Variants in EPC2 observed in about 807,000 individuals in gnomAD.
EPC2 encodes enhancer of polycomb 2.
EPC2 carries 14 observed loss-of-function variants against 92.1 expected under a neutral mutation model. That is an observed-to-expected ratio of 0.15 (90% CI 0.10 to 0.24). EPC2 has a LOEUF of 0.24. Among genes scored for constraint, EPC2 ranks in the 10% least tolerant of loss-of-function variants. The pLI, the probability that EPC2 is intolerant of heterozygous loss-of-function variation, is 1.00. For missense variants in EPC2, 755 were observed against 971.5 expected (o/e 0.78, Z 2.96); for synonymous variants, 340 against 334.7 (o/e 1.02, Z -0.17).
At chr2:148,760,463 T>G (rs1683281231) in intron 4 of EPC2, among the ~76,000 whole-genome samples, 2 of 152,184 alleles carry the variant, frequency 1.3e-5, no homozygotes, top group South Asian at 4.1e-4. Flanking sequence ...CTGTCATCCT[T>G]ACTAGATTCT....
At chr2:148,783,090 T>C (rs1683787157) in intron 11 of EPC2, among the ~76,000 whole-genome samples, 1 of 152,204 alleles carries the variant, frequency 6.6e-6, no homozygotes, top group Admixed American at 6.5e-5. Flanking sequence ...ACTAGGGCTG[T>C]AGGACTTAGT....
intron 2 of EPC2, among the ~76,000 whole-genome samples, chr2:148,726,757 TG>T (rs1190839582): frequency 4.5e-4 from 58 of 129,970 alleles, no homozygotes; most frequent in Non-Finnish European, 2.1e-4. Flanking sequence ...TTTTTTGTTT[TG>T]TTTTTTGTTT....
intron 2 of EPC2, among the ~76,000 whole-genome samples, chr2:148,741,862 C>T (rs369085923): frequency 6.6e-6 from 1 of 152,124 alleles, no homozygotes. Context: ...TTTGTAGTCC[C>T]CTTAACCAGA....
In EPC2 at chr2:148,662,408, G is replaced by T. The variant is rs188137513; in HGVS notation, c.153+17238G>T. Among the ~76,000 whole-genome samples the T allele has an allele frequency of 6.3e-4, 96 of 152,260 alleles. 1 individual carries two copies. Among genetic ancestry groups the T allele is most frequent in the African/African-American group, 2.1e-3 (88 of 41,550 alleles). On this transcript the variant is annotated intron_variant, in intron 1 of 13. Transcript: ENST00000258484. ...CACTTTTCACAATAGCAAAGACTTG[G>T]AACCAACCCAAACGTCCAACAACGA...
chr2:148,762,560 T>G lies in EPC2; in HGVS notation c.816-110T>G, dbSNP rs140666859. The G allele has an allele frequency of 1.3e-4, 96 of 726,102 alleles. No individual in the cohort carries two copies. In the African/African-American group the frequency reaches 1.7e-3, roughly 13 times the overall value. 45.0% of individuals were successfully genotyped at this position (726,102 alleles called of 1,614,324 possible). A position where few individuals can be genotyped will look rare whatever the true frequency, so the allele number is the denominator to read the frequency against. On this transcript the variant is annotated intron_variant, in intron 5 of 13. Transcript: ENST00000258484. Reference sequence around the variant, plus strand: ...TTTTATCTTTTAAAAGTAATTTGATTGTTAGCCCTTTTTGACTAGGTGACT... The same window carrying G: ...TTTTATCTTTTAAAAGTAATTTGATGGTTAGCCCTTTTTGACTAGGTGACT...
chr2:148,651,936 C>T (rs535431040), intron 1 of EPC2, among the ~76,000 whole-genome samples: 1 of 152,200 alleles, frequency 6.6e-6, no homozygotes, highest in Non-Finnish European at 1.5e-5. Flanking sequence ...AGAATTTGCA[C>T]TCAGGCTGAT....
chr2:148,732,946 C>CTTTTT (rs147569199), intron 2 of EPC2, among the ~76,000 whole-genome samples: 13 of 83,814 alleles, frequency 1.6e-4, no homozygotes, highest in South Asian at 4.9e-4. Flanking sequence ...GTGAATAGCT[C>CTTTTT]TTTTTTTTTT....
intron 10 of EPC2, among the ~76,000 whole-genome samples, chr2:148,774,636 A>G (rs1178570118): frequency 6.7e-6 from 1 of 149,078 alleles, no homozygotes. Flanking sequence ...ATATATATAT[A>G]TATATGCATG....
intron 1 of EPC2, among the ~76,000 whole-genome samples, chr2:148,682,170 C>T (rs144266372): frequency 7.9e-5 from 12 of 152,058 alleles, no homozygotes; most frequent in Non-Finnish European, 1.5e-4. Flanking sequence ...TGAATAGTGC[C>T]GCAGTAAACA....
intron 3 of EPC2, 63 bp from the exon 4 acceptor site, chr2:148,753,864 A>C: frequency 6.9e-7 from 1 of 1,445,592 alleles, no homozygotes; most frequent in Non-Finnish European, 9.4e-7. Flanking sequence ...CTACAGCCAT[A>C]AGCTAACTTT....
chr2:148,730,014 AC>A (rs1451379057), intron 2 of EPC2, among the ~76,000 whole-genome samples: 1 of 152,194 alleles, frequency 6.6e-6, no homozygotes, highest in African/African-American at 2.4e-5. Flanking sequence ...TATGGCATGA[AC>A]CTGGAGTTTT....
chr2:148,654,344 A>G (rs1680746959), intron 1 of EPC2, among the ~76,000 whole-genome samples: 1 of 152,206 alleles, frequency 6.6e-6, no homozygotes. Context: ...ACAAATATGA[A>G]GGTTGATGGA....
At position 148,709,447 on chromosome 2, in the gene EPC2, C is replaced by T. The variant is rs567142603; in HGVS notation, c.313+19074C>T. The stretch of plus-strand genomic sequence containing the variant: ...AGGTAATTTATAGATTAAATGCCAT[C>T]CCCATCAAGCTACCAATGACTTTCT... On this transcript the variant is annotated intron_variant, in intron 2 of 13. Coordinates refer to ENST00000258484, the MANE Select transcript of EPC2 (RefSeq NM_015630.4). Among the ~76,000 whole-genome samples the T allele has an allele frequency of 3.9e-5, 6 of 152,260 alleles. No individual in the cohort carries two copies. In the South Asian group the frequency reaches 1.0e-3, roughly 26 times the overall value.
intron 2 of EPC2, among the ~76,000 whole-genome samples, chr2:148,724,528 G>A (rs1219315643): frequency 1.3e-5 from 2 of 151,998 alleles, no homozygotes; most frequent in Non-Finnish European, 2.9e-5. Context: ...AAATGAGTAG[G>A]TTTTATATTG....
At chr2:148,668,550 C>T (rs1574570620) in intron 1 of EPC2, among the ~76,000 whole-genome samples, 1 of 152,218 alleles carries the variant, frequency 6.6e-6, no homozygotes, top group East Asian at 1.9e-4. Flanking sequence ...GTAAAATTCA[C>T]CAGTGAAACC....
intron 1 of EPC2, among the ~76,000 whole-genome samples, chr2:148,660,949 ATTGT>A: frequency 6.6e-6 from 1 of 152,012 alleles, no homozygotes; most frequent in African/African-American, 2.4e-5. Flanking sequence ...AAGATTATTA[ATTGT>A]TTATTATCTT....
intron 1 of EPC2, among the ~76,000 whole-genome samples, chr2:148,651,887 G>T (rs1165330331): frequency 6.6e-6 from 1 of 152,100 alleles, no homozygotes; most frequent in Admixed American, 6.5e-5. Context: ...TAAGTAACTC[G>T]CCTAAGATCA....
At position 148,783,718 on chromosome 2, in the gene EPC2, C is replaced by T; in HGVS notation, c.1979C>T (p.Thr660Ile). ...AGTGAGGTAGCCAAGGAACAGAACA[C>T]TGGCCACAACAACATAAACGGTGTT... ...SRSEVAKEQN[T>I]GHNNINGVVQ... Residue 660 changes from threonine to isoleucine, a missense_variant, in exon 12 of 14, where the codon ACT (threonine) becomes ATT (isoleucine). Thr to Ile is a moderately conservative substitution (Grantham distance 89, BLOSUM62 -1). This residue lies in a region of EPC2 where 207 missense variants were observed against 260.5 expected (regional missense o/e 0.79). Transcript: ENST00000258484. 2 of 1,592,620 alleles carry T rather than the reference C, an allele frequency of 1.3e-6. No individual in the cohort carries two copies. The highest frequency in any genetic ancestry group is 1.7e-6 in the Non-Finnish European group (2 of 1,168,656).
intron 4 of EPC2, among the ~76,000 whole-genome samples, chr2:148,754,961 G>A (rs1299338271): frequency 3.9e-5 from 6 of 152,162 alleles, no homozygotes; most frequent in Non-Finnish European, 5.9e-5. Context: ...TATCAGGAAC[G>A]TATAAATGTA....
Sources: gnomAD v4.1 joint callset for allele counts (sites outside exome capture counted in the v4.1 genomes callset) on GRCh38, gnomAD v4.1.1 for gene constraint, gnomAD v4.1.1 regional missense constraint, MANE v1.5 for transcripts, NCBI Gene and HGNC (gene_info 2026-07-23, HGNC 2026-07-21) for gene names.